BLVRB: variants seen among roughly 807,000 people sequenced by gnomAD.
The protein encoded by BLVRB is biliverdin reductase B.
Under a neutral mutation model 21.1 loss-of-function variants are expected in BLVRB, and 25 were observed. That is an observed-to-expected ratio of 1.19 (90% CI 0.86 to 1.66). The LOEUF (loss-of-function observed/expected upper bound fraction) is 1.66, where lower values mean the gene tolerates loss of function less well. BLVRB is among the 40% of genes most tolerant of loss of function. BLVRB has a pLI of 0.00. For missense variants in BLVRB, 274 were observed against 282.7 expected, an observed-to-expected ratio of 0.97 and a Z score of 0.22; for synonymous variants, 128 against 122.2, an observed-to-expected ratio of 1.05 and a Z score of -0.31.
chr19:40,448,832 C>T (rs924680006), intron 4 of BLVRB, among the ~76,000 whole-genome samples: 1 of 151,938 alleles, frequency 6.6e-6, no homozygotes, highest in African/African-American at 2.4e-5. Flanking sequence ...TGGCTCACGC[C>T]TGTAATCTCA....
In BLVRB at chr19:40,458,329, G is replaced by A. The variant is rs546557763; in HGVS notation, c.244+52C>T. Reference sequence around the variant, plus strand: ...GGGCGGGGCCGGGGGCGGGGGTGGCGCTGGGGGCCGAGGTGTAGGGGAGGG... The same window carrying A: ...GGGCGGGGCCGGGGGCGGGGGTGGCACTGGGGGCCGAGGTGTAGGGGAGGG... On this transcript the variant is annotated intron_variant, in intron 2 of 4. Transcript: ENST00000263368. The A allele has an allele frequency of 3.9e-3, 5,970 of 1,514,174 alleles. 19 individuals carry two copies. The highest frequency in any genetic ancestry group is 4.8e-3 in the Non-Finnish European group (5,414 of 1,126,262). 93.8% of individuals were successfully genotyped at this position (1,514,174 alleles called of 1,614,324 possible).
Position 40,451,399 on chromosome 19 carries a change from C to T in BLVRB, c.428G>A (p.Gly143Asp), listed in dbSNP as rs113166043. The T allele has an allele frequency of 1.7e-5, 27 of 1,610,436 alleles. No individual in the cohort carries two copies. The highest frequency in any genetic ancestry group is 1.5e-4 in the African/African-American group (11 of 75,046). The part of the protein sequence containing the change: ...IRMHKVLRES[G>D]LKYVAVMPPH... ...CGGCATCACAGCCACGTACTTCAGG[C>T]CTGATTCCCGCAGCACCTTGTGCAT... The change falls in exon 4 of 5, where the codon GGC becomes GAC. Residue 143 changes from glycine to aspartate, a missense_variant. Transcript: ENST00000263368.
chr19:40,457,041 G>A (rs941499180), intron 3 of BLVRB, among the ~76,000 whole-genome samples: 8 of 152,032 alleles, frequency 5.3e-5, no homozygotes, highest in Non-Finnish European at 8.8e-5. Context: ...CAGGTGTGGT[G>A]GTGCATGCCT....
Position 40,458,160 on chromosome 19 carries a change from G to T in BLVRB, c.329C>A (p.Thr110Asn), listed in dbSNP as rs1472031928. The change falls in exon 3 of 5, where the codon ACC (threonine) becomes AAC (asparagine). Residue 110 changes from threonine to asparagine, a missense_variant. Coordinates refer to ENST00000263368, the MANE Select transcript of BLVRB (RefSeq NM_000713.3). ...AHGVDKVVAC[T>N]SAFLLWDPTK... Reference sequence around the variant, plus strand: ...TCCATGATCCCACCACCCACCCGAGGTGCAGGCCACGACCTTGTCCACACC... The same window carrying T: ...TCCATGATCCCACCACCCACCCGAGTTGCAGGCCACGACCTTGTCCACACC... The T allele has an allele frequency of 6.2e-7, 1 of 1,613,842 alleles. No individual in the cohort carries two copies. Among genetic ancestry groups the T allele is most frequent in the Non-Finnish European group, 8.5e-7 (1 of 1,179,866 alleles).
intron 3 of BLVRB, among the ~76,000 whole-genome samples, chr19:40,452,298 C>T (rs1183573234): frequency 6.6e-6 from 1 of 152,158 alleles, no homozygotes; most frequent in African/African-American, 2.4e-5. Context: ...TCCTCTGCCC[C>T]TGATGCATTT....
rs775216213 is a variant in BLVRB at position 40,447,924 on chromosome 19, C to T, written c.586G>A (p.Gly196Arg). ...TGGTGGGAGGGGTAGGTGCTGTGTCCGTCGTACTCATCGGTGGTGAGGCAG... is the reference window on the plus strand; with the variant it reads ...TGGTGGGAGGGGTAGGTGCTGTGTCTGTCGTACTCATCGGTGGTGAGGCAG... ...LRCLTTDEYD[G>R]HSTYPSHQYQ The change falls in exon 5 of 5, where the codon GGA (glycine) becomes AGA (arginine). Residue 196 changes from glycine (G) to arginine (R), a missense_variant. Physicochemically the swap from Gly to Arg is moderately radical, Grantham distance 125. Transcript: ENST00000263368. The T allele has an allele frequency of 5.0e-6, 8 of 1,614,016 alleles. No individual in the cohort carries two copies. The highest frequency in any genetic ancestry group is 1.3e-5 in the African/African-American group (1 of 75,006).
chr19:40,464,395 G>T (rs2079801662), intron 1 of BLVRB, among the ~76,000 whole-genome samples: 1 of 143,034 alleles, frequency 7.0e-6, no homozygotes, highest in South Asian at 2.2e-4. Context: ...TGCCTGGCCA[G>T]CCCTTCCCTT....
chr19:40,463,052 C>T (rs1356106397), intron 1 of BLVRB, among the ~76,000 whole-genome samples: 2 of 151,830 alleles, frequency 1.3e-5, no homozygotes, highest in Non-Finnish European at 2.9e-5. Flanking sequence ...CATTTGTTAC[C>T]CTATATTGTT....
At chr19:40,461,445 G>A (rs2079787016) in intron 1 of BLVRB, among the ~76,000 whole-genome samples, 1 of 151,558 alleles carries the variant, frequency 6.6e-6, no homozygotes, top group East Asian at 1.9e-4. Flanking sequence ...CTCGGGATCT[G>A]GCTTCTCCTC....
At chr19:40,464,002 C>T (rs537394951) in intron 1 of BLVRB, among the ~76,000 whole-genome samples, 3 of 152,040 alleles carry the variant, frequency 2.0e-5, no homozygotes, top group Admixed American at 2.0e-4. Flanking sequence ...CTCCTGACCT[C>T]GTGATCCACC....
At chr19:40,450,971 G>T (rs2169275) in intron 4 of BLVRB, among the ~76,000 whole-genome samples, 62,983 of 151,582 alleles carry the variant, frequency 0.42, 14,113 homozygotes, top group African/African-American at 0.59. Flanking sequence ...TACTCAGGAG[G>T]CTGAAGCCCC....
At chr19:40,449,707 T>C (rs1350716782) in intron 4 of BLVRB, among the ~76,000 whole-genome samples, 1 of 152,184 alleles carries the variant, frequency 6.6e-6, no homozygotes, top group Admixed American at 6.6e-5. Context: ...GCAATTCCTC[T>C]CAAATGATTA....
intron 4 of BLVRB, among the ~76,000 whole-genome samples, chr19:40,448,702 A>C (rs2079726071): frequency 6.6e-6 from 1 of 150,824 alleles, no homozygotes. Flanking sequence ...TTAGGGATAC[A>C]ATGTACCATC....
intron 1 of BLVRB, 33 bp from the exon 2 acceptor site, chr19:40,458,578 G>A: frequency 1.3e-6 from 2 of 1,552,374 alleles, no homozygotes; most frequent in South Asian, 2.4e-5. Flanking sequence ...AGCCTGGTCA[G>A]TGGGCTGGCA....
intron 3 of BLVRB, 159 bp downstream of exon 3, chr19:40,457,996 C>G (rs2079768995): frequency 1.4e-6 from 1 of 722,682 alleles, no homozygotes; most frequent in African/African-American, 1.8e-5. Flanking sequence ...CAGGTCACCA[C>G]TGTGTCCCCA....
At chr19:40,453,073 GA>G (rs1395256353) in intron 3 of BLVRB, among the ~76,000 whole-genome samples, 5 of 151,896 alleles carry the variant, frequency 3.3e-5, no homozygotes, top group African/African-American at 4.8e-5. Context: ...AAAAGAAAAA[GA>G]AAAAAACATT....
At chr19:40,451,297 A>T in intron 4 of BLVRB, 67 bp downstream of exon 4, 1 of 1,560,246 alleles carries the variant, frequency 6.4e-7, no homozygotes, top group Non-Finnish European at 8.7e-7. Flanking sequence ...GGCCTTGCAG[A>T]TCTCCCCAGA....
At chr19:40,457,274 C>T (rs1218135482) in intron 3 of BLVRB, among the ~76,000 whole-genome samples, 1 of 152,162 alleles carries the variant, frequency 6.6e-6, no homozygotes, top group African/African-American at 2.4e-5. Flanking sequence ...GCTTCCTACC[C>T]TCCAACTAGG....
At chr19:40,450,231 C>T (rs1180263597) in intron 4 of BLVRB, 3 of 130,590 alleles carry the variant, frequency 2.3e-5, no homozygotes, top group Non-Finnish European at 3.2e-5. Context: ...AAAAGCCAGG[C>T]GCAGTGGCTC....
Sources: gnomAD v4.1 joint callset for allele counts (sites outside exome capture counted in the v4.1 genomes callset) on GRCh38, gnomAD v4.1.1 for gene constraint, MANE v1.5 for transcripts, NCBI Gene and HGNC (gene_info 2026-07-23, HGNC 2026-07-21) for gene names.